The following EXT1 variants were observed in gnomAD, a reference collection of about 807,000 sequenced individuals.
EXT1 encodes exostosin-1.
In EXT1, 20 loss-of-function variants were observed where a neutral mutation model predicts 82.5. The ratio of observed to expected loss-of-function variants is 0.24; its 90% CI spans 0.17 to 0.35. The LOEUF is 0.35. Among genes scored for constraint, EXT1 ranks in the 10% least tolerant of loss-of-function variants. The pLI, the probability that EXT1 is intolerant of heterozygous loss-of-function variation, is 1.00. For missense variants in EXT1, 757 were observed against 936.5 expected (o/e 0.81, Z 2.50); for synonymous variants, 348 against 350.8 (o/e 0.99, Z 0.09).
chr8:117,821,967 A>G (rs1035825949), intron 5 of EXT1, among the ~76,000 whole-genome samples: 2 of 152,238 alleles, frequency 1.3e-5, no homozygotes, highest in Admixed American at 1.3e-4. Flanking sequence ...AGTACCCAGC[A>G]ATACATTAGC....
chr8:118,079,536 C>T (rs1243098314), intron 1 of EXT1, among the ~76,000 whole-genome samples: 3 of 152,170 alleles, frequency 2.0e-5, no homozygotes, highest in Non-Finnish European at 2.9e-5. Context: ...ATTGTTCAGC[C>T]GGCTGGTGTT....
At chr8:118,032,789 C>T (rs535440784) in intron 1 of EXT1, among the ~76,000 whole-genome samples, 8 of 152,200 alleles carry the variant, frequency 5.3e-5, no homozygotes, top group Non-Finnish European at 7.4e-5. Flanking sequence ...GGATTACAGA[C>T]GTGAGCCACT....
At chr8:117,988,460 T>C (rs536207144) in intron 1 of EXT1, among the ~76,000 whole-genome samples, 8 of 152,162 alleles carry the variant, frequency 5.3e-5, no homozygotes, top group Non-Finnish European at 1.2e-4. Flanking sequence ...TTAATAATTA[T>C]CTCAGGTGAT....
intron 1 of EXT1, among the ~76,000 whole-genome samples, chr8:117,981,962 A>AT (rs1287552883): frequency 2.6e-5 from 4 of 152,256 alleles, no homozygotes; most frequent in Admixed American, 2.0e-4. Context: ...ACTAAATTTC[A>AT]TTTTTTACAG....
chr8:118,104,776 C>A (rs1353577143), intron 1 of EXT1, among the ~76,000 whole-genome samples: 2 of 152,210 alleles, frequency 1.3e-5, no homozygotes, highest in South Asian at 4.1e-4. Context: ...GCATTTTGGA[C>A]CTTTGGATTA....
chr8:117,848,594 G>A (rs1232848946), intron 1 of EXT1, among the ~76,000 whole-genome samples: 1 of 152,142 alleles, frequency 6.6e-6, no homozygotes, highest in Non-Finnish European at 1.5e-5. Flanking sequence ...GGACAAAGGA[G>A]TATTGAGCAG....
chr8:118,050,897 T>G (rs1397184142), intron 1 of EXT1, among the ~76,000 whole-genome samples: 1 of 152,254 alleles, frequency 6.6e-6, no homozygotes. Flanking sequence ...GGAGGTGTTC[T>G]GTGCTATTTA....
intron 1 of EXT1, among the ~76,000 whole-genome samples, chr8:117,956,787 C>T (rs1054573709): frequency 3.9e-5 from 6 of 152,102 alleles, no homozygotes; most frequent in African/African-American, 1.2e-4. Context: ...CCAAGGAAAT[C>T]CAAGCTAGGT....
At chr8:117,955,366 A>G (rs544825173) in intron 1 of EXT1, among the ~76,000 whole-genome samples, 2 of 152,240 alleles carry the variant, frequency 1.3e-5, no homozygotes, top group South Asian at 4.1e-4. Flanking sequence ...CCAAGCTTCT[A>G]ATGACAGTTT....
intron 1 of EXT1, among the ~76,000 whole-genome samples, chr8:118,044,350 G>A (rs1816585053): frequency 6.6e-6 from 1 of 151,882 alleles, no homozygotes; most frequent in South Asian, 2.1e-4. Flanking sequence ...GTGAACCAAG[G>A]GTCAGAAAAC....
Position 117,835,517 on chromosome 8 carries a change from C to A in EXT1, c.1091G>T (p.Trp364Leu). The A allele has an allele frequency of 1.2e-6, 2 of 1,614,132 alleles. No homozygotes were observed. The highest frequency in any genetic ancestry group is 1.7e-6 in the Non-Finnish European group (2 of 1,179,996). The part of the protein sequence containing the change: ...ACVPVMLSNG[W>L]ELPFSEVINW... ...AATCACTTCAGAGAATGGCAACTCC[C>A]ATCCATTGCTGAGCATCACAGGGAC... The change falls in exon 3 of 11, where the codon TGG becomes TTG. Residue 364 changes from tryptophan (W) to leucine (L), a missense_variant. Around this residue, in one of 4 missense-constraint regions of EXT1, gnomAD observed 247 missense variants for 330.1 expected, o/e 0.75. Transcript: ENST00000378204.
chr8:117,897,426 G>C (rs896847513), intron 1 of EXT1, among the ~76,000 whole-genome samples: 1 of 152,114 alleles, frequency 6.6e-6, no homozygotes, highest in Non-Finnish European at 1.5e-5. Flanking sequence ...GCTGGAATCT[G>C]TGCTAGGCAC....
chr8:117,878,722 T>C (rs1813010977), intron 1 of EXT1, among the ~76,000 whole-genome samples: 1 of 152,188 alleles, frequency 6.6e-6, no homozygotes, highest in Non-Finnish European at 1.5e-5. Context: ...CCTTTCTTAT[T>C]CTCATCATCA....
chr8:117,973,934 G>C (rs565170263), intron 1 of EXT1, among the ~76,000 whole-genome samples: 5 of 101,286 alleles, frequency 4.9e-5, no homozygotes, highest in African/African-American at 1.8e-4. Context: ...AGAAAGCAAG[G>C]AAGGAAGGAA....
chr8:118,094,429 G>T (rs1817573721), intron 1 of EXT1, among the ~76,000 whole-genome samples: 1 of 152,128 alleles, frequency 6.6e-6, no homozygotes, highest in African/African-American at 2.4e-5. Context: ...CTGTAAACAG[G>T]TCAAATGAAA....
chr8:118,110,231 C>T lies in EXT1; in HGVS notation c.816G>A (p.Leu272=), dbSNP rs2130041684. ...TCCTGGTGTCTGATCCTATCCCTGT[C>T]AGGTACCTCTTCCCCTTGAATACCA... ...YMLVFKGKRY[L]TGIGSDTRNA... Residue 272 remains leucine (L), a synonymous_variant, in exon 1 of 11, where the codon CTG becomes CTA. Transcript: ENST00000378204. 6.2e-7 allele frequency: 1 copy of T among 1,614,216 alleles called. No homozygotes were observed. Among genetic ancestry groups the T allele is most frequent in the Non-Finnish European group, 8.5e-7 (1 of 1,180,038 alleles).
In EXT1 at chr8:117,943,413, C is replaced by T. The variant is rs141462539; in HGVS notation, c.963-106212G>A. On this transcript the variant is annotated intron_variant, in intron 1 of 10. Coordinates refer to ENST00000378204, the MANE Select transcript of EXT1 (RefSeq NM_000127.3). ...ATGCATATTGCAACCAAATGACATA[C>T]AATTATTTGATAAATTATAGTATAT... 1.5e-4 allele frequency among the ~76,000 whole-genome samples: 23 copies of T among 152,104 alleles called. 1 individual carries two copies. The East Asian group carries it at 3.9e-3, about 26-fold the overall frequency.
intron 1 of EXT1, among the ~76,000 whole-genome samples, chr8:118,019,769 A>G (rs934043572): frequency 5.9e-5 from 9 of 152,216 alleles, no homozygotes; most frequent in African/African-American, 2.2e-4. Flanking sequence ...AACTGAGACA[A>G]AACTTAAATA....
At chr8:117,998,886 ATTAG>A (rs976589748) in intron 1 of EXT1, among the ~76,000 whole-genome samples, 2 of 152,288 alleles carry the variant, frequency 1.3e-5, no homozygotes, top group Non-Finnish European at 2.9e-5. Context: ...CCTTCCCCAA[ATTAG>A]TTAACCGTTC....
Sources: allele counts gnomAD v4.1 joint callset (sites outside exome capture counted in the v4.1 genomes callset), GRCh38; gene constraint gnomAD v4.1.1; regional missense constraint gnomAD v4.1.1; transcripts MANE v1.5; gene names NCBI Gene and HGNC (gene_info 2026-07-23, HGNC 2026-07-21).